HENMT1: variants seen among roughly 807,000 people sequenced by gnomAD.
The protein encoded by HENMT1 is HEN methyltransferase 1.
A neutral mutation model predicts 31.1 loss-of-function variants in HENMT1; 27 were observed. That is an observed-to-expected ratio of 0.87 (90% CI 0.64 to 1.20). HENMT1 has a LOEUF of 1.20. Among genes scored for constraint, HENMT1 ranks in the 50% most tolerant of loss-of-function variants. The pLI, the probability that HENMT1 is intolerant of heterozygous loss-of-function variation, is 0.00. For synonymous variants in HENMT1, 167 were observed against 172.2 expected, an observed-to-expected ratio of 0.97 and a Z score of 0.24; for missense variants, 438 against 469.6, an observed-to-expected ratio of 0.93 and a Z score of 0.62.
chr1:108,655,206 T>C (rs1033990313), intron 4 of HENMT1, among the ~76,000 whole-genome samples: 2 of 152,218 alleles, frequency 1.3e-5, no homozygotes, highest in Admixed American at 6.5e-5. Context: ...ATATACTATA[T>C]ATACAAGAGA....
In HENMT1 at chr1:108,650,162, A is replaced by T. The variant is rs769691462; in HGVS notation, c.756+49T>A. ...TTCTTACTCCCCAAAAAAGTTCACCATCCTAATGTATCTCTAGCCCTGATA... is the reference window on the plus strand; with the variant it reads ...TTCTTACTCCCCAAAAAAGTTCACCTTCCTAATGTATCTCTAGCCCTGATA... On this transcript the variant is annotated intron_variant, in intron 7 of 7. Coordinates refer to ENST00000651461, the MANE Select transcript of HENMT1 (RefSeq NM_001102592.2). The T allele has an allele frequency of 1.9e-6, 3 of 1,566,674 alleles. No homozygotes were observed. The East Asian group carries it at 6.7e-5, about 35-fold the overall frequency.
intron 5 of HENMT1, 173 bp from the exon 6 acceptor site, chr1:108,651,382 C>T (rs1220839254): frequency 2.2e-5 from 13 of 599,170 alleles, no homozygotes; most frequent in Non-Finnish European, 3.2e-5. Context: ...CAGTGGCTCA[C>T]GCCTGTAATC....
Position 108,648,552 on chromosome 1 carries a change from G to A in HENMT1, c.*14C>T. ...TATCGCTGAGACCCTGAAATTTCAGGAAATAAACATGGTTCAAAACTCAAA... is the reference window on the plus strand; with the variant it reads ...TATCGCTGAGACCCTGAAATTTCAGAAAATAAACATGGTTCAAAACTCAAA... On this transcript the variant is annotated 3_prime_UTR_variant, in exon 8 of 8. Coordinates refer to ENST00000651461, the MANE Select transcript of HENMT1 (RefSeq NM_001102592.2). 6.2e-7 allele frequency: 1 copy of A among 1,601,864 alleles called. No individual in the cohort carries two copies. The highest frequency in any genetic ancestry group is 8.5e-7 in the Non-Finnish European group (1 of 1,171,130).
Position 108,650,237 on chromosome 1 carries a change from G to T in HENMT1, c.730C>A (p.Gln244Lys), listed in dbSNP as rs180677194. The stretch of plus-strand genomic sequence containing the variant: ...GCTTTATAAACATGCTGATCATGCT[G>T]CTCTGAAAGACATGATTCTGTTGCC... ...GKATESCLSE[Q>K]HDQHVYKAVF... The change falls in exon 7 of 8, where the codon CAG becomes AAG. Residue 244 changes from glutamine to lysine, a missense_variant. Gln to Lys is a moderately conservative substitution (Grantham distance 53). Transcript: ENST00000651461. 4.6e-5 allele frequency: 75 copies of T among 1,614,026 alleles called. No homozygotes were observed. Among genetic ancestry groups the T allele is most frequent in the Admixed American group, 4.5e-4 (27 of 60,026 alleles).
rs919921310 is a variant in HENMT1 at position 108,654,952 on chromosome 1, T to C, written c.264-102A>G. 9 of 1,196,300 alleles carry C rather than the reference T, an allele frequency of 7.5e-6. No individual in the cohort carries two copies. The Admixed American group carries it at 8.2e-5, about 11-fold the overall frequency. The allele number at this position is 1,196,300 out of a possible 1,614,324, so 74.1% of individuals were successfully genotyped here. ...TCTGATAATTATCTTCTACCTCTAT[T>C]GATATAAGTCTGACACAGCCTGTTT... is the stretch of plus-strand genomic sequence containing the variant. On this transcript the variant is annotated intron_variant, in intron 4 of 7. Coordinates refer to ENST00000651461, the MANE Select transcript of HENMT1 (RefSeq NM_001102592.2).
intron 5 of HENMT1, among the ~76,000 whole-genome samples, chr1:108,652,825 T>C (rs548940195): frequency 4.6e-5 from 7 of 151,810 alleles, no homozygotes; most frequent in Admixed American, 3.9e-4. Context: ...GCACCTGTAA[T>C]CCCAGCTGCT....
chr1:108,661,468 G>A (rs1658484119), upstream of HENMT1: 1 of 152,376 alleles, frequency 6.6e-6, no homozygotes, highest in Non-Finnish European at 1.5e-5. Flanking sequence ...GAGCCGGAAG[G>A]CGGCTTGGGC....
chr1:108,661,064 C>CGT lies in HENMT1; in HGVS notation c.-182_-181dup. The CGT allele has an allele frequency of 1.1e-6, 1 of 927,888 alleles. No individual in the cohort carries two copies. The highest frequency in any genetic ancestry group is 1.3e-6 in the Non-Finnish European group (1 of 777,732). 57.5% of individuals were successfully genotyped at this position (927,888 alleles called of 1,614,324 possible). On this transcript the variant is annotated 5_prime_UTR_variant, in exon 1 of 8. Coordinates refer to ENST00000651461, the MANE Select transcript of HENMT1 (RefSeq NM_001102592.2). The stretch of plus-strand genomic sequence containing the variant: ...ACAAAGCTCGTCGCGGAGCCGCCAG[C>CGT]GTCCTCAACTCAGCGCCGCCCTGAC...
At chr1:108,657,684 A>G (rs572263852) in intron 2 of HENMT1, 105 bp from the exon 3 acceptor site, 2 of 1,051,708 alleles carry the variant, frequency 1.9e-6, no homozygotes, top group South Asian at 2.9e-5. Context: ...ATCACTTTGA[A>G]AAACACACTG....
chr1:108,648,422 C>T lies in HENMT1; in HGVS notation c.*144G>A. 1 of 678,222 alleles carries T rather than the reference C, an allele frequency of 1.5e-6. No individual in the cohort carries two copies. Among genetic ancestry groups the T allele is most frequent in the Non-Finnish European group, 2.5e-6 (1 of 407,880 alleles). The allele number at this position is 678,222 out of a possible 1,614,324, so 42.0% of individuals were successfully genotyped here. ...CACTGCAGTCTGGCCATATCTCAAG[C>T]AGGTCTGTCCAATGGCTTGGAACAT... On this transcript the variant is annotated 3_prime_UTR_variant, in exon 8 of 8. Transcript: ENST00000651461.
In HENMT1 at chr1:108,657,515, G is replaced by A. The variant is rs1232301260; in HGVS notation, c.86C>T (p.Pro29Leu). The A allele has an allele frequency of 6.2e-7, 1 of 1,611,402 alleles. No homozygotes were observed. The highest frequency in any genetic ancestry group is 8.5e-7 in the Non-Finnish European group (1 of 1,177,716). ...CTGGTACCGCTGTCTGTATAGTGGAGGTTTAAACTGAATTGCCGTCTCCCT... is the reference window on the plus strand; with the variant it reads ...CTGGTACCGCTGTCTGTATAGTGGAAGTTTAAACTGAATTGCCGTCTCCCT... ...VPRETAIQFK[P>L]PLYRQRYQFV... Residue 29 changes from proline (P) to leucine (L), a missense_variant, in exon 3 of 8, where the codon CCT becomes CTT. By Grantham distance (98) the Pro-to-Leu change is moderately conservative (BLOSUM62 -3). Coordinates refer to ENST00000651461, the MANE Select transcript of HENMT1 (RefSeq NM_001102592.2).
In HENMT1 at chr1:108,648,587, A is replaced by C; in HGVS notation, c.1161T>G (p.Phe387Leu). 1 of 1,613,330 alleles carries C rather than the reference A, an allele frequency of 6.2e-7. No homozygotes were observed. The highest frequency in any genetic ancestry group is 8.5e-7 in the Non-Finnish European group (1 of 1,179,276). Residue 387 changes from phenylalanine (F) to leucine (L), a missense_variant, in exon 8 of 8, where the codon TTT becomes TTG. By Grantham distance (22) the Phe-to-Leu change is conservative. Coordinates refer to ENST00000651461, the MANE Select transcript of HENMT1 (RefSeq NM_001102592.2). The stretch of plus-strand genomic sequence containing the variant: ...TGGTTCAAAACTCAAACTGTTCATC[A>C]AAATAATTACGCAGGTCAGCCACCA... ...SAVVADLRNYFDEQFEF is the reference protein window; with the variant it reads ...SAVVADLRNYLDEQFEF
intron 5 of HENMT1, among the ~76,000 whole-genome samples, chr1:108,652,480 G>C (rs1003191984): frequency 2.0e-5 from 3 of 152,142 alleles, no homozygotes; most frequent in Admixed American, 1.3e-4. Context: ...AGAATTCCTT[G>C]GACCATTCCT....
chr1:108,655,382 C>T (rs945909383), intron 4 of HENMT1, among the ~76,000 whole-genome samples: 2 of 152,124 alleles, frequency 1.3e-5, no homozygotes, highest in African/African-American at 4.8e-5. Flanking sequence ...TTATTATAAT[C>T]ATTTAATTGA....
intron 7 of HENMT1, chr1:108,649,278 C>T (rs1356110916): frequency 4.0e-6 from 2 of 505,806 alleles, no homozygotes; most frequent in South Asian, 3.2e-5. Context: ...GGGGCAAGGG[C>T]AAAAAAAAAT....
At position 108,648,536 on chromosome 1, in the gene HENMT1, G is replaced by A. The variant is rs1191722840; in HGVS notation, c.*30C>T. On this transcript the variant is annotated 3_prime_UTR_variant, in exon 8 of 8. Transcript: ENST00000651461. ...TCTAAGTGAGCACAACTATCGCTGA[G>A]ACCCTGAAATTTCAGGAAATAAACA... 3 of 1,581,036 alleles carry A rather than the reference G, an allele frequency of 1.9e-6. No individual in the cohort carries two copies. The highest frequency in any genetic ancestry group is 2.7e-5 in the African/African-American group (2 of 73,880).
At chr1:108,658,102 C>T (rs113443310) in intron 2 of HENMT1, among the ~76,000 whole-genome samples, 16,511 of 119,724 alleles carry the variant, frequency 0.14, 1,986 homozygotes, top group African/African-American at 0.34. Flanking sequence ...CACATATATA[C>T]ACACACACAC....
chr1:108,648,668 C>T lies in HENMT1; in HGVS notation c.1080G>A (p.Glu360=). Residue 360 remains glutamate (E), a synonymous_variant, in exon 8 of 8, where the codon GAG becomes GAA. Coordinates refer to ENST00000651461, the MANE Select transcript of HENMT1 (RefSeq NM_001102592.2). ...AGTCAGCAATGACTGATCTCATCAT[C>T]TCTTCATTAGCACATAAGCGGTTCA... is the stretch of plus-strand genomic sequence containing the variant. ...PKLNRLCANE[E]MMRSVIADSI... 1 of 1,614,232 alleles carries T rather than the reference C, an allele frequency of 6.2e-7. No individual in the cohort carries two copies. The highest frequency in any genetic ancestry group is 1.3e-5 in the African/African-American group (1 of 75,060).
chr1:108,658,440 T>C (rs1383998097), intron 2 of HENMT1, among the ~76,000 whole-genome samples: 1 of 152,170 alleles, frequency 6.6e-6, no homozygotes, highest in Non-Finnish European at 1.5e-5. Flanking sequence ...GCCAACACTC[T>C]TTTTAAGAGA....
Sources: allele counts gnomAD v4.1 joint callset (sites outside exome capture counted in the v4.1 genomes callset), GRCh38; gene constraint gnomAD v4.1.1; transcripts MANE v1.5; gene names NCBI Gene and HGNC (gene_info 2026-07-23, HGNC 2026-07-21).